The following TRPV2 variants were observed in gnomAD, a reference collection of about 807,000 sequenced individuals.
TRPV2 encodes the protein transient receptor potential cation channel subfamily V member 2.
TRPV2 carries 58 observed loss-of-function variants against 91.0 expected under a neutral mutation model. That is an observed-to-expected ratio of 0.64 (90% CI 0.52 to 0.79). The LOEUF (loss-of-function observed/expected upper bound fraction) is 0.79, where lower values mean the gene tolerates loss of function less well. Among genes scored for constraint, TRPV2 ranks in the 30% least tolerant of loss-of-function variants. The pLI, the probability that TRPV2 is intolerant of heterozygous loss-of-function variation, is 0.00. For missense variants in TRPV2, 807 were observed against 969.6 expected, an observed-to-expected ratio of 0.83 and a Z score of 2.23; for synonymous variants, 417 against 414.8, an observed-to-expected ratio of 1.01 and a Z score of -0.06.
intron 5 of TRPV2, 126 bp downstream of exon 5, chr17:16,423,893 C>A: frequency 1.1e-6 from 1 of 896,336 alleles, no homozygotes; most frequent in East Asian, 2.7e-5. Context: ...ATGGAACACT[C>A]CTGTTAGTAA....
Position 16,428,852 on chromosome 17 carries a change from T to G in TRPV2, c.1457T>G (p.Val486Gly), listed in dbSNP as rs771591218. 6.2e-7 allele frequency: 1 copy of G among 1,613,878 alleles called. No individual in the cohort carries two copies. The highest frequency in any genetic ancestry group is 1.1e-5 in the South Asian group (1 of 91,058). The change falls in exon 10 of 15, where the codon GTG becomes GGG. Residue 486 changes from valine to glycine, a missense_variant. By Grantham distance (109) the Val-to-Gly change is moderately radical. Transcript: ENST00000338560. ...GCCCTGCTCACAGTGGTGTCCCAGG[T>G]GCTGTGTTTCCTGGCCATCGAGTGG... is the stretch of plus-strand genomic sequence containing the variant. The part of the protein sequence containing the change: ...FQALLTVVSQ[V>G]LCFLAIEWYL...
chr17:16,425,225 T>C (rs1163073524), intron 5 of TRPV2, among the ~76,000 whole-genome samples: 1 of 152,018 alleles, frequency 6.6e-6, no homozygotes, highest in Non-Finnish European at 1.5e-5. Flanking sequence ...GGTTTCTCCA[T>C]GTTGGTCAGG....
chr17:16,432,455 T>TTC (rs398030442), intron 12 of TRPV2, among the ~76,000 whole-genome samples, 155 bp downstream of exon 12: 2 of 150,522 alleles, frequency 1.3e-5, no homozygotes, highest in African/African-American at 4.9e-5. Flanking sequence ...TTTTTTTTTT[T>TTC]CTGGAGACAA....
intron 3 of TRPV2, among the ~76,000 whole-genome samples, chr17:16,421,241 G>C (rs891903150): frequency 2.6e-5 from 4 of 150,974 alleles, no homozygotes; most frequent in Non-Finnish European, 1.5e-5. Context: ...ACGGAGTCTT[G>C]CTCTGTTGCC....
At chr17:16,422,524 A>T (rs931052172) in intron 3 of TRPV2, 75 bp from the exon 4 acceptor site, 9 of 1,480,512 alleles carry the variant, frequency 6.1e-6, no homozygotes, top group Non-Finnish European at 8.3e-6. Flanking sequence ...AGCTGGGCTT[A>T]TAAGAGCTAT....
intron 12 of TRPV2, among the ~76,000 whole-genome samples, chr17:16,432,909 G>A (rs184803615): frequency 9.9e-4 from 150 of 151,732 alleles, no homozygotes; most frequent in African/African-American, 3.1e-3. Flanking sequence ...GGGTTCAAGC[G>A]ATTCTCCTGC....
At chr17:16,433,406 C>T (rs2093421951) in intron 12 of TRPV2, 168 bp from the exon 13 acceptor site, 1 of 964,074 alleles carries the variant, frequency 1.0e-6, no homozygotes, top group Non-Finnish European at 1.5e-6. Context: ...GGGCCCAACC[C>T]CACACAGGTA....
At chr17:16,416,797 T>C (rs1358059103) in intron 1 of TRPV2, 1 of 152,234 alleles carries the variant, frequency 6.6e-6, no homozygotes, top group Admixed American at 6.5e-5. Flanking sequence ...TTAGTAGTCT[T>C]GGCAGCAAAA....
At chr17:16,431,637 T>C in intron 10 of TRPV2, 147 bp from the exon 11 acceptor site, 1 of 707,190 alleles carries the variant, frequency 1.4e-6, no homozygotes, top group East Asian at 2.6e-5. Context: ...CTCTGCTCGG[T>C]GTGGCTCCAC....
intron 10 of TRPV2, 130 bp from the exon 11 acceptor site, chr17:16,431,654 A>C: frequency 1.3e-6 from 1 of 786,038 alleles, no homozygotes; most frequent in South Asian, 1.6e-5. Context: ...CCACAGGCCC[A>C]CATATGCATA....
At chr17:16,428,447 G>A in intron 9 of TRPV2, 60 bp downstream of exon 9, 1 of 1,567,088 alleles carries the variant, frequency 6.4e-7, no homozygotes, top group Non-Finnish European at 8.8e-7. Context: ...AGGGGCAGTT[G>A]TGGCAGAAGG....
intron 3 of TRPV2, among the ~76,000 whole-genome samples, chr17:16,421,900 C>T (rs969568152): frequency 6.6e-6 from 1 of 152,094 alleles, no homozygotes; most frequent in Non-Finnish European, 1.5e-5. Context: ...AGAGAGGCCA[C>T]GTGACTTGCC....
At chr17:16,431,283 ATATACATATTTTT>A (rs1328641199) in intron 10 of TRPV2, among the ~76,000 whole-genome samples, 17 of 51,294 alleles carry the variant, frequency 3.3e-4, no homozygotes, top group African/African-American at 1.1e-3. Context: ...ATATATATAT[ATATACATATTTTT>A]TTTTTTTTTT....
chr17:16,422,602 G>C lies in TRPV2; in HGVS notation c.338G>C (p.Gly113Ala). The change falls in exon 4 of 15, where the codon GGC becomes GCC. Residue 113 changes from glycine to alanine, a missense_variant. Gly to Ala is a moderately conservative substitution (Grantham distance 60). Transcript: ENST00000338560. ...TTCCCCTCCCTTCTTCCCACAGAGG[G>C]CTCCACAGGTAAGACGTGCCTGATG... The part of the protein sequence containing the change: ...KYLTDSEYTE[G>A]STGKTCLMKA... 1 of 1,612,546 alleles carries C rather than the reference G, an allele frequency of 6.2e-7. No individual in the cohort carries two copies. Among genetic ancestry groups the C allele is most frequent in the Non-Finnish European group, 8.5e-7 (1 of 1,179,002 alleles).
At chr17:16,420,087 C>A in intron 2 of TRPV2, 28 bp from the exon 3 acceptor site, 2 of 1,603,974 alleles carry the variant, frequency 1.2e-6, no homozygotes. Context: ...TCTTCTCCAG[C>A]ATGAGTCACA....
chr17:16,427,002 G>GAACCCAGGCTGCTGTGAAC, intron 7 of TRPV2, 125 bp downstream of exon 7: 1 of 1,096,438 alleles, frequency 9.1e-7, no homozygotes, highest in Non-Finnish European at 1.3e-6. Flanking sequence ...AAGCTTATGG[G>GAACCCAGGCTGCTGTGAAC]AGCCAGCACT....
rs2093382347 is a variant in TRPV2, at chr17:16,426,206, T to A, written c.1032T>A (p.Ala344=). The A allele has an allele frequency of 6.2e-7, 1 of 1,614,106 alleles. No homozygotes were observed. Among genetic ancestry groups the A allele is most frequent in the Admixed American group, 1.7e-5 (1 of 60,008 alleles). Residue 344 remains alanine, a synonymous_variant, in exon 6 of 15, where the codon GCT becomes GCA. Coordinates refer to ENST00000338560, the MANE Select transcript of TRPV2 (RefSeq NM_016113.5). This position sits in a 1 kb window ranked among gnomAD's most constrained non-coding sequence, Gnocchi z 6.0. ...TCCGGGTGTCGCTGTATGACCTGGCTTCTGTGGACAGCTGTGAGGAGAACT... is the reference window on the plus strand; with the variant it reads ...TCCGGGTGTCGCTGTATGACCTGGCATCTGTGGACAGCTGTGAGGAGAACT... ...GPVRVSLYDL[A]SVDSCEENSV...
chr17:16,430,031 AT>A (rs2093402427), intron 10 of TRPV2, among the ~76,000 whole-genome samples: 2 of 151,794 alleles, frequency 1.3e-5, no homozygotes, highest in African/African-American at 4.8e-5. Context: ...TGCCCGGCTA[AT>A]TTTTGTATTT....
Position 16,417,770 on chromosome 17 carries a change from C to G in TRPV2, c.102C>G (p.Ser34Arg). The G allele has an allele frequency of 6.2e-7, 1 of 1,614,176 alleles. No homozygotes were observed. Among genetic ancestry groups the G allele is most frequent in the Non-Finnish European group, 8.5e-7 (1 of 1,180,026 alleles). ...EADRGKLDFGSGLPPMESQFQ... is the reference protein window; with the variant it reads ...EADRGKLDFGRGLPPMESQFQ... ...ACAGAGGAAAGCTGGATTTTGGGAG[C>G]GGGCTGCCTCCCATGGAGTCACAGT... is the stretch of plus-strand genomic sequence containing the variant. Residue 34 changes from serine to arginine, a missense_variant, in exon 2 of 15, where the codon AGC (serine) becomes AGG (arginine). Transcript: ENST00000338560.
Sources: gnomAD v4.1 joint callset for allele counts (sites outside exome capture counted in the v4.1 genomes callset) on GRCh38, gnomAD v4.1.1 for gene constraint, Gnocchi (gnomAD v3.1) non-coding constraint, MANE v1.5 for transcripts, NCBI Gene and HGNC (gene_info 2026-07-23, HGNC 2026-07-21) for gene names.